JPH2: variants seen among roughly 807,000 people sequenced by gnomAD.
The protein encoded by JPH2 is junctophilin-2.
JPH2 carries 38 observed loss-of-function variants against 55.9 expected under a neutral mutation model. The ratio of observed to expected loss-of-function variants is 0.68; its 90% CI spans 0.52 to 0.89. JPH2 has a LOEUF of 0.89. Ranked by LOEUF, JPH2 falls within the 40% of genes least tolerant of loss-of-function variation. The probability of loss-of-function intolerance (pLI) is 0.00; values close to 1 mark genes in which losing one functional copy is unlikely to be tolerated. For missense variants in JPH2, 964 were observed against 1,037.6 expected (o/e 0.93, Z 0.97); for synonymous variants, 480 against 472.4 (o/e 1.02, Z -0.21).
intron 1 of JPH2, among the ~76,000 whole-genome samples, chr20:44,174,047 C>T (rs1215618427): frequency 2.0e-5 from 3 of 152,208 alleles, no homozygotes; most frequent in Admixed American, 6.5e-5. Flanking sequence ...GGTCATGAGG[C>T]TGAGTAGCAC....
At chr20:44,136,883 A>G (rs1034579701) in intron 2 of JPH2, among the ~76,000 whole-genome samples, 2 of 152,212 alleles carry the variant, frequency 1.3e-5, no homozygotes, top group South Asian at 4.1e-4. Context: ...GGGTATATTC[A>G]TTCAGTTGTG....
rs1368190311 is a variant in JPH2, at chr20:44,159,008, G to A, written c.1169+610C>T. On this transcript the variant is annotated intron_variant, in intron 2 of 5. Coordinates refer to ENST00000372980, the MANE Select transcript of JPH2 (RefSeq NM_020433.5). The surrounding 1 kb of genome is among the most constrained non-coding windows in gnomAD (Gnocchi z 5.7). ...GGGTAGTTGGACGGGTGGTTGAGTC[G>A]ATGAATGGATGGGTGATGAGCTGGT... is the stretch of plus-strand genomic sequence containing the variant. Among the ~76,000 whole-genome samples the A allele has an allele frequency of 6.6e-6, 1 of 152,148 alleles. No individual in the cohort carries two copies. Among genetic ancestry groups the A allele is most frequent in the Non-Finnish European group, 1.5e-5 (1 of 68,026 alleles).
chr20:44,122,587 T>C (rs2072245038), intron 2 of JPH2, among the ~76,000 whole-genome samples: 1 of 152,202 alleles, frequency 6.6e-6, no homozygotes, highest in Non-Finnish European at 1.5e-5. Context: ...TCTAGGACCT[T>C]GGGTGCATGC....
intron 2 of JPH2, among the ~76,000 whole-genome samples, chr20:44,152,696 G>C (rs2072539863): frequency 6.6e-6 from 1 of 152,226 alleles, no homozygotes; most frequent in Non-Finnish European, 1.5e-5. Flanking sequence ...CTGGTGACCT[G>C]TGTCCCCCAT....
intron 2 of JPH2, among the ~76,000 whole-genome samples, chr20:44,135,014 G>A (rs187436777): frequency 2.0e-3 from 294 of 147,194 alleles, no homozygotes; most frequent in South Asian, 7.9e-3. Flanking sequence ...AATACCAAGA[G>A]GGGTAGGGGG....
At chr20:44,153,715 A>C (rs1178357195) in intron 2 of JPH2, among the ~76,000 whole-genome samples, 1 of 152,246 alleles carries the variant, frequency 6.6e-6, no homozygotes, top group East Asian at 1.9e-4. Context: ...TGATGCTTAC[A>C]GACTACTTCC....
At chr20:44,175,491 A>G (rs1334092924) in intron 1 of JPH2, among the ~76,000 whole-genome samples, 1 of 152,144 alleles carries the variant, frequency 6.6e-6, no homozygotes, top group Non-Finnish European at 1.5e-5. Flanking sequence ...GTCCCTTCCC[A>G]TGGCTTCCAA....
chr20:44,122,468 CA>C (rs1428419880), intron 2 of JPH2, among the ~76,000 whole-genome samples: 1 of 152,124 alleles, frequency 6.6e-6, no homozygotes, highest in African/African-American at 2.4e-5. Flanking sequence ...TAAATTAATG[CA>C]AAAATAAATC....
intron 1 of JPH2, among the ~76,000 whole-genome samples, chr20:44,169,901 C>A (rs1283897657): frequency 7.2e-5 from 11 of 152,130 alleles, no homozygotes. Flanking sequence ...TCACATGACA[C>A]CCTGTGCCAC....
Position 44,112,727 on chromosome 20 carries a change from C to G in JPH2, c.*791G>C, listed in dbSNP as rs2072155064. On this transcript the variant is annotated 3_prime_UTR_variant, in exon 6 of 6. Transcript: ENST00000372980. ...CACACGGGAAACCCCAAATGCAATC[C>G]CAGTCTCAGACACACTCCAAAACAG... is the stretch of plus-strand genomic sequence containing the variant. 6.6e-6 allele frequency: 1 copy of G among 152,408 alleles called. No homozygotes were observed. 9.4% of individuals were successfully genotyped at this position (152,408 alleles called of 1,614,324 possible).
intron 2 of JPH2, among the ~76,000 whole-genome samples, chr20:44,158,330 G>A (rs2072580185): frequency 1.3e-5 from 2 of 152,148 alleles, no homozygotes; most frequent in Admixed American, 6.5e-5. Context: ...CTAGCACAGA[G>A]GGAAGAAAAC....
chr20:44,137,619 G>A (rs530556209), intron 2 of JPH2, among the ~76,000 whole-genome samples: 1 of 152,234 alleles, frequency 6.6e-6, no homozygotes, highest in African/African-American at 2.4e-5. Context: ...AGGCGGGGCC[G>A]AACCCAGCCT....
At chr20:44,137,259 C>T (rs1197897176) in intron 2 of JPH2, among the ~76,000 whole-genome samples, 5 of 151,704 alleles carry the variant, frequency 3.3e-5, no homozygotes, top group Non-Finnish European at 7.4e-5. Flanking sequence ...CCACCCCACC[C>T]GGGAGCCGGC....
chr20:44,143,115 A>G (rs1191731898), intron 2 of JPH2, among the ~76,000 whole-genome samples: 1 of 152,226 alleles, frequency 6.6e-6, no homozygotes, highest in Non-Finnish European at 1.5e-5. Flanking sequence ...ATGGAACAGC[A>G]TGTGCAAAGG....
Position 44,106,948 on chromosome 20 carries a change from G to C in JPH2, c.*6570C>G, listed in dbSNP as rs1238834635. ...AAGCCCAATGGGAGATGCTCTACAA[G>C]CAATCCTTGCTCTGGAGCTCCCACT... On this transcript the variant is annotated 3_prime_UTR_variant, in exon 6 of 6. Transcript: ENST00000372980. Among the ~76,000 whole-genome samples the C allele has an allele frequency of 6.6e-6, 1 of 152,112 alleles. No homozygotes were observed. Among genetic ancestry groups the C allele is most frequent in the African/African-American group, 2.4e-5 (1 of 41,408 alleles).
In JPH2 at chr20:44,115,897, T is replaced by TCGGACC. The variant is rs761938315; in HGVS notation, c.1772_1777dup (p.Gly591_Ser592dup). On this transcript the variant is annotated inframe_insertion, in exon 4 of 6. Transcript: ENST00000372980. ...GGTGGCCGGGGACGAGGGCGCGGAC[T>TCGGACC]CGGACCCGGAGACCTCGGGCTCGGG... 1.6e-5 allele frequency: 25 copies of TCGGACC among 1,576,878 alleles called. No homozygotes were observed. The East Asian group carries it at 5.7e-4, about 36-fold the overall frequency.
chr20:44,123,467 C>T (rs2072253254), intron 2 of JPH2, among the ~76,000 whole-genome samples: 1 of 152,192 alleles, frequency 6.6e-6, no homozygotes, highest in Non-Finnish European at 1.5e-5. Context: ...GTGGCCTCAC[C>T]CCTTGCTTCA....
At position 44,110,816 on chromosome 20, in the gene JPH2, G is replaced by A. The variant is rs2072136677; in HGVS notation, c.*2702C>T. 6.6e-6 allele frequency among the ~76,000 whole-genome samples: 1 copy of A among 152,170 alleles called. No individual in the cohort carries two copies. Among genetic ancestry groups the A allele is most frequent in the African/African-American group, 2.4e-5 (1 of 41,446 alleles). On this transcript the variant is annotated 3_prime_UTR_variant, in exon 6 of 6. Transcript: ENST00000372980. Reference sequence around the variant, plus strand: ...GAGGAAGACCATGGGGCAGGGATTAGAGTCTCCTCAGCAGAAGAGGAAACT... The same window carrying A: ...GAGGAAGACCATGGGGCAGGGATTAAAGTCTCCTCAGCAGAAGAGGAAACT...
At chr20:44,150,910 G>T (rs1238704268) in intron 2 of JPH2, among the ~76,000 whole-genome samples, 38 of 151,968 alleles carry the variant, frequency 2.5e-4, no homozygotes, top group Non-Finnish European at 1.2e-4. Context: ...TGCACCTGTA[G>T]CCCCAGCTAC....
Sources: gnomAD v4.1 joint callset for allele counts (sites outside exome capture counted in the v4.1 genomes callset) on GRCh38, gnomAD v4.1.1 for gene constraint, Gnocchi (gnomAD v3.1) non-coding constraint, MANE v1.5 for transcripts, NCBI Gene and HGNC (gene_info 2026-07-23, HGNC 2026-07-21) for gene names.